The following SLC1A6 variants were observed in gnomAD, a reference collection of about 807,000 sequenced individuals.
SLC1A6 encodes excitatory amino acid transporter 4.
In SLC1A6, 15 loss-of-function variants were observed where a neutral mutation model predicts 42.1. The ratio of observed to expected loss-of-function variants is 0.36; its 90% CI spans 0.24 to 0.55. The LOEUF (loss-of-function observed/expected upper bound fraction) is 0.55. Ranked by LOEUF, SLC1A6 falls within the 20% of genes least tolerant of loss-of-function variation. The pLI, the probability that SLC1A6 is intolerant of heterozygous loss-of-function variation, is 0.88. For missense variants in SLC1A6, 542 were observed against 772.5 expected, an observed-to-expected ratio of 0.70 and a Z score of 3.54; for synonymous variants, 317 against 319.7, an observed-to-expected ratio of 0.99 and a Z score of 0.09.
chr19:14,952,473 G>A (rs1049209551), intron 9 of SLC1A6, among the ~76,000 whole-genome samples: 7 of 151,274 alleles, frequency 4.6e-5, no homozygotes, highest in East Asian at 4.1e-4. Context: ...GGAGAATGGC[G>A]TGAACCCAGG....
rs1186565035 is a variant in SLC1A6, at chr19:14,979,441, C to A, written c.-140G>T. ...ACGCCTGACCCCAGCGCCTCGGATC[C>A]CCCACCTGCCCGCAACCTCCGCGCC... On this transcript the variant is annotated 5_prime_UTR_variant, in exon 1 of 10. Transcript: ENST00000594383. The surrounding 1 kb of genome is among the most constrained non-coding windows in gnomAD (Gnocchi z 4.2). The A allele has an allele frequency of 6.6e-6, 1 of 152,134 alleles. No individual in the cohort carries two copies. The highest frequency in any genetic ancestry group is 1.9e-4 in the East Asian group (1 of 5,188). The allele number at this position is 152,134 out of a possible 1,614,324, so 9.4% of individuals were successfully genotyped here.
intron 1 of SLC1A6, among the ~76,000 whole-genome samples, chr19:14,995,344 AGAAAGAAAG>A (rs1417206807): frequency 1.3e-5 from 1 of 76,820 alleles, no homozygotes; most frequent in African/African-American, 4.6e-5. Context: ...AAAAAAAAAA[AGAAAGAAAG>A]AAAGAAAGAA....
At chr19:14,956,964 T>C (rs1052625692) in intron 6 of SLC1A6, among the ~76,000 whole-genome samples, 1 of 152,262 alleles carries the variant, frequency 6.6e-6, no homozygotes, top group East Asian at 1.9e-4. Context: ...AACTCCAGGA[T>C]ATACAAGCTT....
chr19:15,009,760 T>C (rs2045915586), intron 1 of SLC1A6, among the ~76,000 whole-genome samples: 1 of 152,076 alleles, frequency 6.6e-6, no homozygotes, highest in Non-Finnish European at 1.5e-5. Flanking sequence ...TCCATAAAAA[T>C]AAATTTTTTT....
chr19:14,983,723 A>G (rs1312928237), upstream of SLC1A6, among the ~76,000 whole-genome samples: 2 of 145,870 alleles, frequency 1.4e-5, no homozygotes, highest in Non-Finnish European at 3.0e-5. Flanking sequence ...CAACACCAAA[A>G]AAAAAAAAAA....
intron 7 of SLC1A6, among the ~76,000 whole-genome samples, chr19:14,954,545 CAG>C (rs1386717325): frequency 6.6e-6 from 1 of 151,604 alleles, no homozygotes; most frequent in African/African-American, 2.4e-5. Flanking sequence ...AGGCGGGGCT[CAG>C]AGCAGGACGT....
upstream of SLC1A6, among the ~76,000 whole-genome samples, chr19:14,982,786 G>A (rs2045774478): frequency 6.6e-6 from 1 of 152,030 alleles, no homozygotes; most frequent in South Asian, 2.1e-4. Flanking sequence ...TCTTTATATA[G>A]GTTATAGCTA....
intron 1 of SLC1A6, among the ~76,000 whole-genome samples, chr19:15,010,182 T>TCAAAAAAAA (rs1568304819): frequency 2.9e-5 from 1 of 34,290 alleles, no homozygotes; most frequent in African/African-American, 8.4e-5. Flanking sequence ...CAAGACTCTA[T>TCAAAAAAAA]GAAAAAAAAA....
intron 1 of SLC1A6, among the ~76,000 whole-genome samples, chr19:15,007,895 C>A (rs375778803): frequency 2.6e-5 from 4 of 151,866 alleles, no homozygotes; most frequent in African/African-American, 7.3e-5. Flanking sequence ...TGTGGTGACA[C>A]GCACCTGTAA....
At chr19:14,994,860 C>G (rs11671546) in intron 1 of SLC1A6, among the ~76,000 whole-genome samples, 20,803 of 149,980 alleles carry the variant, frequency 0.14, 1,526 homozygotes, top group Non-Finnish European at 0.15. Flanking sequence ...AAAGTATAAT[C>G]ACAATGGGAT....
rs746131298 is a variant in SLC1A6, at chr19:14,971,725, G to A, written c.343+12C>T. On this transcript the variant is annotated intron_variant, in intron 3 of 9. Transcript: ENST00000594383. Reference sequence around the variant, plus strand: ...GGGTCTTGGAGGCCAACACTGGCCTGGGCTCTCTCACCTGTGACCAGGCTG... The same window carrying A: ...GGGTCTTGGAGGCCAACACTGGCCTAGGCTCTCTCACCTGTGACCAGGCTG... 7 of 1,613,418 alleles carry A rather than the reference G, an allele frequency of 4.3e-6. No individual in the cohort carries two copies. The highest frequency in any genetic ancestry group is 1.3e-5 in the African/African-American group (1 of 74,932).
intron 1 of SLC1A6, chr19:14,978,073 C>CT (rs1317690949): frequency 6.6e-6 from 1 of 152,276 alleles, no homozygotes. Flanking sequence ...ACCCTGGGCT[C>CT]TCTCTTTTCT....
At chr19:14,956,010 G>A (rs2045459534) in intron 7 of SLC1A6, among the ~76,000 whole-genome samples, 1 of 152,142 alleles carries the variant, frequency 6.6e-6, no homozygotes, top group Admixed American at 6.5e-5. Flanking sequence ...GAATTGGGAT[G>A]ATGCTCTTAA....
chr19:14,989,273 T>A lies in SLC1A6; in HGVS notation c.7-16356A>T, dbSNP rs183901386. On this transcript the variant is annotated intron_variant, in intron 1 of 8. Transcript: ENST00000430939. ...CCCCCAAAATCTATTTTAAAAAAAA[T>A]TTTTTAAGGAGGAGTTTCACTCTGG... 2.0e-3 allele frequency among the ~76,000 whole-genome samples: 305 copies of A among 152,168 alleles called. 2 individuals carry two copies. Among genetic ancestry groups the A allele is most frequent in the African/African-American group, 6.8e-3 (281 of 41,532 alleles).
upstream of SLC1A6, among the ~76,000 whole-genome samples, chr19:14,982,348 G>A (rs140011466): frequency 6.6e-6 from 1 of 152,122 alleles, no homozygotes; most frequent in African/African-American, 2.4e-5. Flanking sequence ...TGGCCAACCT[G>A]GTGAAACCCC....
chr19:14,983,573 A>T (rs1202583137), upstream of SLC1A6, among the ~76,000 whole-genome samples: 1 of 151,990 alleles, frequency 6.6e-6, no homozygotes, highest in Non-Finnish European at 1.5e-5. Flanking sequence ...CTGTGGTCCC[A>T]GCTACTCAGG....
chr19:15,004,311 T>C (rs912307977), intron 1 of SLC1A6, among the ~76,000 whole-genome samples: 5 of 150,814 alleles, frequency 3.3e-5, no homozygotes, highest in Non-Finnish European at 5.9e-5. Context: ...CATGCACACA[T>C]ACACACACAC....
In SLC1A6 at chr19:14,993,623, G is replaced by T. The variant is rs904224333; in HGVS notation, c.6+16862C>A. 2.0e-5 allele frequency among the ~76,000 whole-genome samples: 3 copies of T among 152,280 alleles called. No homozygotes were observed. In the East Asian group the frequency reaches 5.8e-4, roughly 29 times the overall value. ...ACTGTTTGAGGCCTGCATGCAAGGG[G>T]TAAAGGAATTTACCAAGACAAGAGT... On this transcript the variant is annotated intron_variant, in intron 1 of 8. Transcript: ENST00000430939.
rs545907077 is a variant in SLC1A6 at position 14,998,515 on chromosome 19, T to G, written c.6+11970A>C. Among the ~76,000 whole-genome samples, 4 of 152,200 alleles carry G rather than the reference T, an allele frequency of 2.6e-5. No individual in the cohort carries two copies. The East Asian group carries it at 7.7e-4, about 29-fold the overall frequency. ...AAGATCATGCCACTGTACTCCAGCC[T>G]GGGCAACAGAGTGAGACTCTGTCTC... On this transcript the variant is annotated intron_variant, in intron 1 of 8. Coordinates refer to the SLC1A6 transcript ENST00000430939.
Sources: gnomAD v4.1 joint callset for allele counts (sites outside exome capture counted in the v4.1 genomes callset) on GRCh38, gnomAD v4.1.1 for gene constraint, Gnocchi (gnomAD v3.1) non-coding constraint, MANE v1.5 for transcripts, NCBI Gene and HGNC (gene_info 2026-07-23, HGNC 2026-07-21) for gene names.